The following BORCS5 variants were observed in gnomAD, a reference collection of about 807,000 sequenced individuals.
BORCS5 encodes the protein BLOC-1 related complex subunit 5, also known as BLOC-1-related complex subunit 5.
BORCS5 carries 17 observed loss-of-function variants against 22.1 expected under a neutral mutation model. That is an observed-to-expected ratio of 0.77 (90% confidence interval 0.53 to 1.15). The LOEUF (loss-of-function observed/expected upper bound fraction) is 1.15, where lower values mean the gene tolerates loss of function less well. Among genes scored for constraint, BORCS5 ranks in the 50% most tolerant of loss-of-function variants. The pLI is 0.00. For synonymous variants in BORCS5, 117 were observed against 99.8 expected (o/e 1.17, Z -1.03); for missense variants, 247 against 253.2 (o/e 0.98, Z 0.17).
At chr12:12,362,182 A>G (rs1863301125) in intron 2 of BORCS5, among the ~76,000 whole-genome samples, 2 of 152,200 alleles carry the variant, frequency 1.3e-5, no homozygotes, top group Non-Finnish European at 2.9e-5. Context: ...TTCTTACATC[A>G]TTAAATGTGT....
At chr12:12,427,410 G>C (rs1942316622) in intron 2 of BORCS5, among the ~76,000 whole-genome samples, 4 of 152,026 alleles carry the variant, frequency 2.6e-5, no homozygotes, top group Admixed American at 2.6e-4. Context: ...TCGATATCCT[G>C]ACCTTGTGAT....
intron 2 of BORCS5, among the ~76,000 whole-genome samples, chr12:12,404,855 C>T (rs866225439): frequency 1.3e-5 from 2 of 152,142 alleles, no homozygotes; most frequent in African/African-American, 4.8e-5. Context: ...CCCGCCACCA[C>T]ACCTGGCTAA....
chr12:12,357,872 G>A (rs1018239119), intron 1 of BORCS5, among the ~76,000 whole-genome samples: 1 of 152,210 alleles, frequency 6.6e-6, no homozygotes, highest in African/African-American at 2.4e-5. Context: ...TCTAAGAACA[G>A]TCTGTTTCTT....
Position 12,414,374 on chromosome 12 carries a change from A to G in BORCS5, c.203-21254A>G, listed in dbSNP as rs1308595444. Among the ~76,000 whole-genome samples, 49 of 79,816 alleles carry G rather than the reference A, an allele frequency of 6.1e-4. 1 individual carries two copies. Among genetic ancestry groups the G allele is most frequent in the African/African-American group, 2.0e-3 (44 of 21,822 alleles). 52.4% of individuals were successfully genotyped at this position (79,816 alleles called of 152,430 possible). A position where few individuals can be genotyped will look rare whatever the true frequency, so the allele number is the denominator to read the frequency against. On this transcript the variant is annotated intron_variant, in intron 2 of 3. Coordinates refer to ENST00000314565, the MANE Select transcript of BORCS5 (RefSeq NM_058169.6). ...TCCCTCCCGGACGGGGTGGCTGGTCAGGCGGGGGGCTGACCCCCCCACCTC... is the reference window on the plus strand; with the variant it reads ...TCCCTCCCGGACGGGGTGGCTGGTCGGGCGGGGGGCTGACCCCCCCACCTC...
In BORCS5 at chr12:12,379,213, C is replaced by T. The variant is rs562156183; in HGVS notation, c.202+17864C>T. ...TTGACTCACTGCAACCTCTGCCTCC[C>T]GGGTTCAAGTGATTCTCTTGCCTCA... On this transcript the variant is annotated intron_variant, in intron 2 of 3. Coordinates refer to ENST00000314565, the MANE Select transcript of BORCS5 (RefSeq NM_058169.6). Among the ~76,000 whole-genome samples, 50 of 150,682 alleles carry T rather than the reference C, an allele frequency of 3.3e-4. 1 individual carries two copies. The highest frequency in any genetic ancestry group is 3.4e-3 in the Middle Eastern group (1 of 290).
intron 2 of BORCS5, among the ~76,000 whole-genome samples, chr12:12,423,863 A>G (rs1297235158): frequency 2.0e-5 from 3 of 151,780 alleles, no homozygotes; most frequent in Admixed American, 2.0e-4. Flanking sequence ...TAATTTTTAT[A>G]TTTTTTTGTA....
chr12:12,460,667 A>C lies in BORCS5; in HGVS notation c.361-4879A>C, dbSNP rs561081469. On this transcript the variant is annotated intron_variant, in intron 3 of 3. Transcript: ENST00000314565. ...GTTGAGGAAGTTTCCTTCTGTTCCTACTTTGCTGAAAATTTCCATAATAAA... is the reference window on the plus strand; with the variant it reads ...GTTGAGGAAGTTTCCTTCTGTTCCTCCTTTGCTGAAAATTTCCATAATAAA... 2.0e-5 allele frequency among the ~76,000 whole-genome samples: 3 copies of C among 152,286 alleles called. No individual in the cohort carries two copies. The South Asian group carries it at 6.2e-4, about 32-fold the overall frequency.
chr12:12,397,779 G>C (rs1941384952), intron 2 of BORCS5, among the ~76,000 whole-genome samples: 1 of 152,208 alleles, frequency 6.6e-6, no homozygotes, highest in Admixed American at 6.5e-5. Context: ...GCTAAGAAGT[G>C]TTAAGCGTGA....
At chr12:12,448,591 C>T (rs183359702) in intron 3 of BORCS5, among the ~76,000 whole-genome samples, 16 of 148,750 alleles carry the variant, frequency 1.1e-4, no homozygotes, top group African/African-American at 3.5e-4. Flanking sequence ...AATGCAGTGG[C>T]GATCTCGGCT....
At chr12:12,389,159 C>T (rs543520242) in intron 2 of BORCS5, among the ~76,000 whole-genome samples, 5 of 105,420 alleles carry the variant, frequency 4.7e-5, no homozygotes, top group East Asian at 2.3e-4. Flanking sequence ...TTTTTTGAGA[C>T]GCATTTTCAT....
intron 3 of BORCS5, among the ~76,000 whole-genome samples, chr12:12,438,382 G>GAAAAAAAAAAAAAAAAAA (rs1565915767): frequency 5.0e-4 from 54 of 106,970 alleles, no homozygotes; most frequent in African/African-American, 2.4e-3. Flanking sequence ...AAAAAAAAAC[G>GAAAAAAAAAAAAAAAAAA]AAAAACAACA....
In BORCS5 at chr12:12,424,033, A is replaced by C. The variant is rs1265004248; in HGVS notation, c.203-11595A>C. Among the ~76,000 whole-genome samples the C allele has an allele frequency of 3.3e-5, 5 of 151,988 alleles. No individual in the cohort carries two copies. In the East Asian group the frequency reaches 9.7e-4, roughly 29 times the overall value. Reference sequence around the variant, plus strand: ...TAATGTGTCCTGGTGTGGGTCTCTGAATCCTGTTTTGAGTTTGTTGAGCTT... The same window carrying C: ...TAATGTGTCCTGGTGTGGGTCTCTGCATCCTGTTTTGAGTTTGTTGAGCTT... On this transcript the variant is annotated intron_variant, in intron 2 of 3. Coordinates refer to ENST00000314565, the MANE Select transcript of BORCS5 (RefSeq NM_058169.6).
chr12:12,362,435 TTAAG>T (rs1160341512), intron 2 of BORCS5, among the ~76,000 whole-genome samples: 4 of 151,138 alleles, frequency 2.6e-5, no homozygotes, highest in Non-Finnish European at 4.4e-5. Context: ...TTATTATTAT[TTAAG>T]TTTTAGTGTA....
Position 12,467,995 on chromosome 12 carries a change from C to T in BORCS5, c.*2219C>T, listed in dbSNP as rs997898329. ...GAGAACCAGCTTCTTGGTCTGCAGCCACAAGGATGAAGGTTTGGGGATGAG... is the reference window on the plus strand; with the variant it reads ...GAGAACCAGCTTCTTGGTCTGCAGCTACAAGGATGAAGGTTTGGGGATGAG... On this transcript the variant is annotated 3_prime_UTR_variant, in exon 4 of 4. Transcript: ENST00000314565. The T allele has an allele frequency of 1.3e-5, 2 of 152,232 alleles. No homozygotes were observed. The highest frequency in any genetic ancestry group is 2.9e-5 in the Non-Finnish European group (2 of 68,066). 9.4% of individuals were successfully genotyped at this position (152,232 alleles called of 1,614,324 possible).
intron 2 of BORCS5, among the ~76,000 whole-genome samples, chr12:12,371,124 CTTA>C (rs1565834794): frequency 6.6e-6 from 1 of 152,104 alleles, no homozygotes; most frequent in Non-Finnish European, 1.5e-5. Context: ...ATGTTCCAGA[CTTA>C]TTTTGTTCTT....
intron 1 of BORCS5, among the ~76,000 whole-genome samples, chr12:12,357,928 G>T (rs1178081770): frequency 6.6e-6 from 1 of 152,162 alleles, no homozygotes; most frequent in Non-Finnish European, 1.5e-5. Context: ...TATGTGATAG[G>T]TGTCCACTTG....
chr12:12,466,035 A>C lies in BORCS5; in HGVS notation c.*259A>C. Reference sequence around the variant, plus strand: ...CGTGTGAATTATTAGGAATTCTTTGAAGAACTCTGCATTGAGAATTATTTT... The same window carrying C: ...CGTGTGAATTATTAGGAATTCTTTGCAGAACTCTGCATTGAGAATTATTTT... On this transcript the variant is annotated 3_prime_UTR_variant, in exon 4 of 4. Transcript: ENST00000314565. 1 of 453,552 alleles carries C rather than the reference A, an allele frequency of 2.2e-6. No individual in the cohort carries two copies. Among genetic ancestry groups the C allele is most frequent in the Non-Finnish European group, 3.9e-6 (1 of 256,240 alleles). The allele number at this position is 453,552 out of a possible 1,614,324, so 28.1% of individuals were successfully genotyped here.
At chr12:12,443,254 A>G (rs1398286945) in intron 3 of BORCS5, among the ~76,000 whole-genome samples, 1 of 152,176 alleles carries the variant, frequency 6.6e-6, no homozygotes, top group Non-Finnish European at 1.5e-5. Flanking sequence ...ACCTATTGCA[A>G]AGCTGCAAAT....
At chr12:12,461,612 G>C (rs1354396606) in intron 3 of BORCS5, among the ~76,000 whole-genome samples, 1 of 152,150 alleles carries the variant, frequency 6.6e-6, no homozygotes, top group Non-Finnish European at 1.5e-5. Flanking sequence ...CATGGACCCA[G>C]GCTGCTTCTA....
Sources: gnomAD v4.1 joint callset for allele counts (sites outside exome capture counted in the v4.1 genomes callset) on GRCh38, gnomAD v4.1.1 for gene constraint, MANE v1.5 for transcripts, NCBI Gene and HGNC (gene_info 2026-07-23, HGNC 2026-07-21) for gene names.